The following KLHDC10 variants were observed in gnomAD, a reference collection of about 807,000 sequenced individuals.
KLHDC10 encodes the protein kelch domain containing 10.
KLHDC10 carries 24 observed loss-of-function variants against 56.1 expected under a neutral mutation model. The ratio of observed to expected loss-of-function variants is 0.43; its 90% CI spans 0.31 to 0.60. The LOEUF (loss-of-function observed/expected upper bound fraction) is 0.60, where lower values mean the gene tolerates loss of function less well. Ranked by LOEUF, KLHDC10 falls within the 20% of genes least tolerant of loss-of-function variation. KLHDC10 has a pLI of 0.11. For synonymous variants in KLHDC10, 188 were observed against 207.1 expected, an observed-to-expected ratio of 0.91 and a Z score of 0.79; for missense variants, 349 against 567.0, an observed-to-expected ratio of 0.62 and a Z score of 3.91.
At chr7:130,106,289 C>T (rs1796007268) in intron 2 of KLHDC10, among the ~76,000 whole-genome samples, 1 of 152,024 alleles carries the variant, frequency 6.6e-6, no homozygotes, top group Admixed American at 6.5e-5. Context: ...CATTAACAGG[C>T]GAGTCTTTCC....
At chr7:130,074,218 A>G (rs1270527181) in intron 1 of KLHDC10, among the ~76,000 whole-genome samples, 2 of 152,148 alleles carry the variant, frequency 1.3e-5, no homozygotes, top group African/African-American at 4.8e-5. Context: ...TCATCCAAGA[A>G]CCTTCTTACT....
In KLHDC10 at chr7:130,122,219, C is replaced by A; in HGVS notation, c.779+17C>A. 1 of 1,610,934 alleles carries A rather than the reference C, an allele frequency of 6.2e-7. No homozygotes were observed. Among genetic ancestry groups the A allele is most frequent in the South Asian group, 1.1e-5 (1 of 90,446 alleles). ...AGAAGAGAGGTGAGGTTCTAGGATT[C>A]AAGCATATTTATTCTTTCGTGCTAA... On this transcript the variant is annotated intron_variant, in intron 5 of 9. Coordinates refer to ENST00000335420, the MANE Select transcript of KLHDC10 (RefSeq NM_014997.4).
chr7:130,116,330 C>A lies in KLHDC10; in HGVS notation c.254-115C>A, dbSNP rs551107218. 1 of 686,616 alleles carries A rather than the reference C, an allele frequency of 1.5e-6. No homozygotes were observed. Among genetic ancestry groups the A allele is most frequent in the Non-Finnish European group, 2.6e-6 (1 of 390,768 alleles). 42.5% of individuals were successfully genotyped at this position (686,616 alleles called of 1,614,324 possible). ...AAATCTAAACAAATAAGAAGTATAT[C>A]CATGTTATAAATCCTTCCTGGTCCC... On this transcript the variant is annotated intron_variant, in intron 2 of 9. Transcript: ENST00000335420. This position sits in a 1 kb window ranked among gnomAD's most constrained non-coding sequence, Gnocchi z 4.8.
At chr7:130,083,706 C>T (rs1414327793) in intron 1 of KLHDC10, among the ~76,000 whole-genome samples, 4 of 152,060 alleles carry the variant, frequency 2.6e-5, no homozygotes, top group African/African-American at 7.2e-5. Flanking sequence ...GCTGAGATTG[C>T]GTCACTGCAC....
intron 2 of KLHDC10, among the ~76,000 whole-genome samples, chr7:130,115,183 C>T (rs1796151073): frequency 6.6e-6 from 1 of 151,944 alleles, no homozygotes; most frequent in South Asian, 2.1e-4. Flanking sequence ...CTAGCGTTGT[C>T]CTAAATATTA....
chr7:130,096,984 G>A lies in KLHDC10; in HGVS notation c.230G>A (p.Arg77Lys). 6.2e-7 allele frequency: 1 copy of A among 1,607,536 alleles called. No homozygotes were observed. Among genetic ancestry groups the A allele is most frequent in the Non-Finnish European group, 8.5e-7 (1 of 1,175,378 alleles). The change falls in exon 2 of 10, where the codon AGG becomes AAG. Residue 77 changes from arginine to lysine, a missense_variant. Physicochemically the swap from Arg to Lys is conservative, Grantham distance 26 (BLOSUM62 2). Around this residue, in one of 2 missense-constraint regions of KLHDC10, gnomAD observed 245 missense variants for 470.1 expected, o/e 0.52. Transcript: ENST00000335420. ...TTCATTCAGTCCTGTCCCATCATAA[G>A]GATCCCTAACAGGTTTTTGAGAGGT... is the stretch of plus-strand genomic sequence containing the variant. ...RRFIQSCPII[R>K]IPNRFLRGHR...
At chr7:130,125,988 C>T in intron 7 of KLHDC10, 57 bp downstream of exon 7, 2 of 1,280,002 alleles carry the variant, frequency 1.6e-6, no homozygotes, top group South Asian at 2.7e-5. Context: ...TACTTTTACT[C>T]ATTTTGGAAG....
intron 1 of KLHDC10, among the ~76,000 whole-genome samples, chr7:130,095,096 C>T (rs1795830483): frequency 6.6e-6 from 1 of 151,910 alleles, no homozygotes; most frequent in Non-Finnish European, 1.5e-5. Flanking sequence ...TTAATGTATC[C>T]TTTGACAGTG....
intron 1 of KLHDC10, among the ~76,000 whole-genome samples, chr7:130,071,696 A>AT (rs1386612151): frequency 6.6e-6 from 1 of 152,180 alleles, no homozygotes; most frequent in Non-Finnish European, 1.5e-5. Flanking sequence ...GGGCAAGCTT[A>AT]TTTTTACTAT....
chr7:130,129,466 G>C lies in KLHDC10; in HGVS notation c.1009G>C (p.Glu337Gln). The C allele has an allele frequency of 6.2e-7, 1 of 1,614,208 alleles. No homozygotes were observed. Among genetic ancestry groups the C allele is most frequent in the Non-Finnish European group, 8.5e-7 (1 of 1,180,032 alleles). Residue 337 changes from glutamate to glutamine, a missense_variant, in exon 9 of 10, where the codon GAG becomes CAG. By Grantham distance (29) the Glu-to-Gln change is conservative. Transcript: ENST00000335420. ...DVFICGGYNG[E>Q]VILGDIWKLN... ...ATTTATTTGTGGGGGCTATAATGGA[G>C]AGGTGATCCTGGGAGATATCTGGAA...
intron 1 of KLHDC10, among the ~76,000 whole-genome samples, chr7:130,075,207 G>T (rs966012616): frequency 2.6e-5 from 4 of 152,304 alleles, no homozygotes; most frequent in East Asian, 1.9e-4. Flanking sequence ...TCAGGTAGCT[G>T]TTGTGATTTA....
intron 1 of KLHDC10, among the ~76,000 whole-genome samples, chr7:130,072,608 C>A (rs772016128): frequency 6.6e-6 from 1 of 152,118 alleles, no homozygotes; most frequent in African/African-American, 2.4e-5. Context: ...CATACCAATT[C>A]TTTATTCTGC....
At chr7:130,127,510 C>T (rs1796330079) in intron 8 of KLHDC10, 59 bp downstream of exon 8, 2 of 1,238,916 alleles carry the variant, frequency 1.6e-6, no homozygotes, top group Admixed American at 1.7e-5. Flanking sequence ...CTGAAAATGT[C>T]TTATTTCCTA....
At chr7:130,102,669 TAC>T (rs1795948683) in intron 2 of KLHDC10, among the ~76,000 whole-genome samples, 1 of 151,908 alleles carries the variant, frequency 6.6e-6, no homozygotes, top group Non-Finnish European at 1.5e-5. Context: ...CTACTAAAAA[TAC>T]TAAAGTTAGC....
intron 1 of KLHDC10, among the ~76,000 whole-genome samples, chr7:130,091,223 A>G (rs1795768397): frequency 6.6e-6 from 1 of 152,150 alleles, no homozygotes; most frequent in Non-Finnish European, 1.5e-5. Flanking sequence ...GTTGAGTTGT[A>G]TGGTAAGTAT....
intron 2 of KLHDC10, among the ~76,000 whole-genome samples, chr7:130,104,278 A>G (rs1795979110): frequency 6.6e-6 from 1 of 152,188 alleles, no homozygotes; most frequent in South Asian, 2.1e-4. Context: ...AGACTTGTGC[A>G]GTTCAAATTC....
At chr7:130,071,731 G>A (rs1460484238) in intron 1 of KLHDC10, among the ~76,000 whole-genome samples, 2 of 152,126 alleles carry the variant, frequency 1.3e-5, no homozygotes, top group Non-Finnish European at 2.9e-5. Context: ...GGAATGATGT[G>A]TTAATTATTC....
intron 1 of KLHDC10, among the ~76,000 whole-genome samples, chr7:130,087,059 G>C (rs6945805): frequency 0.013 from 1,928 of 152,248 alleles, 44 homozygotes; most frequent in African/African-American, 0.044. Flanking sequence ...GGGTACCCAG[G>C]ACAAAACCTT....
chr7:130,112,813 A>G (rs1423790288), intron 2 of KLHDC10, among the ~76,000 whole-genome samples: 1 of 152,196 alleles, frequency 6.6e-6, no homozygotes, highest in Non-Finnish European at 1.5e-5. Flanking sequence ...AGATTCCTTG[A>G]CAGGATGTTT....
Sources: allele counts gnomAD v4.1 joint callset (sites outside exome capture counted in the v4.1 genomes callset), GRCh38; gene constraint gnomAD v4.1.1; regional missense constraint gnomAD v4.1.1; non-coding constraint Gnocchi (gnomAD v3.1); transcripts MANE v1.5; gene names NCBI Gene and HGNC (gene_info 2026-07-23, HGNC 2026-07-21).